EBF2: variants seen among roughly 807,000 people sequenced by gnomAD.
EBF2 encodes transcription factor COE2.
EBF2 carries 21 observed loss-of-function variants against 72.8 expected under a neutral mutation model. The observed-to-expected ratio is 0.29, with a 90% CI of 0.20 to 0.42. EBF2 has a LOEUF of 0.42. EBF2 is among the 10% of genes least tolerant of loss of function. The pLI is 1.00. For synonymous variants in EBF2, 299 were observed against 274.2 expected, an observed-to-expected ratio of 1.09 and a Z score of -0.89; for missense variants, 637 against 731.2, an observed-to-expected ratio of 0.87 and a Z score of 1.49.
chr8:25,975,910 A>G (rs1804261257), intron 6 of EBF2, among the ~76,000 whole-genome samples: 1 of 152,162 alleles, frequency 6.6e-6, no homozygotes, highest in South Asian at 2.1e-4. Flanking sequence ...CAGCTGCCAA[A>G]GAAAAGTTAA....
chr8:25,948,729 T>A (rs1308593004), intron 6 of EBF2, among the ~76,000 whole-genome samples: 1 of 152,114 alleles, frequency 6.6e-6, no homozygotes, highest in Non-Finnish European at 1.5e-5. Flanking sequence ...GGGAAATAAA[T>A]GGAGCCTTAA....
chr8:25,854,937 T>C (rs1248369890), intron 14 of EBF2, among the ~76,000 whole-genome samples: 1 of 152,208 alleles, frequency 6.6e-6, no homozygotes, highest in East Asian at 1.9e-4. Flanking sequence ...AAACTCTGCG[T>C]AGGCTTGGTG....
chr8:26,037,519 G>A (rs187787038), intron 5 of EBF2, among the ~76,000 whole-genome samples: 158 of 152,280 alleles, frequency 1.0e-3, no homozygotes, highest in East Asian at 4.8e-3. Flanking sequence ...CCATCTGGCC[G>A]ATAAAGACAC....
chr8:25,936,323 C>T (rs1045079328), intron 6 of EBF2, among the ~76,000 whole-genome samples: 3 of 152,134 alleles, frequency 2.0e-5, no homozygotes, highest in African/African-American at 4.8e-5. Context: ...TTAGCACCCC[C>T]GATGCTCCAG....
At chr8:25,860,980 ACT>A in intron 13 of EBF2, 67 bp downstream of exon 13, 1 of 1,581,716 alleles carries the variant, frequency 6.3e-7, no homozygotes, top group East Asian at 2.2e-5. Context: ...CCAACCTCTG[ACT>A]CTGTCCACTC....
At chr8:25,940,476 A>G (rs1283228114) in intron 6 of EBF2, among the ~76,000 whole-genome samples, 2 of 152,228 alleles carry the variant, frequency 1.3e-5, no homozygotes, top group South Asian at 2.1e-4. Flanking sequence ...AATAGTTCTC[A>G]CTTAGTCTTA....
chr8:26,001,652 G>C (rs13260236), intron 6 of EBF2, among the ~76,000 whole-genome samples: 31,109 of 151,894 alleles, frequency 0.2, 3,743 homozygotes, highest in Middle Eastern at 0.28. Context: ...GAGTTCAAGC[G>C]ATTCTCCTGC....
intron 6 of EBF2, among the ~76,000 whole-genome samples, chr8:25,913,095 T>C (rs1319978670): frequency 1.3e-5 from 2 of 152,176 alleles, no homozygotes; most frequent in Non-Finnish European, 2.9e-5. Context: ...CCATTCAATT[T>C]ACCTCCAAAT....
chr8:25,932,639 T>C (rs1052754347), intron 6 of EBF2, among the ~76,000 whole-genome samples: 1 of 152,216 alleles, frequency 6.6e-6, no homozygotes, highest in African/African-American at 2.4e-5. Flanking sequence ...ATATGCTGTC[T>C]GGCCGCAGCT....
chr8:25,965,319 T>C (rs1285910167), intron 6 of EBF2, among the ~76,000 whole-genome samples: 1 of 152,192 alleles, frequency 6.6e-6, no homozygotes, highest in African/African-American at 2.4e-5. Flanking sequence ...CATATTTTGT[T>C]AAGCAACATT....
chr8:25,983,151 A>G (rs2117201132), intron 6 of EBF2, among the ~76,000 whole-genome samples: 1 of 152,290 alleles, frequency 6.6e-6, no homozygotes, highest in South Asian at 2.1e-4. Flanking sequence ...CATATATCAA[A>G]AATAGTGTAG....
intron 10 of EBF2, among the ~76,000 whole-genome samples, chr8:25,865,982 G>A (rs35422836): frequency 0.28 from 42,119 of 150,984 alleles, 6,119 homozygotes; most frequent in South Asian, 0.39. Flanking sequence ...CCAAGATCAC[G>A]CCGCTGCACC....
intron 6 of EBF2, among the ~76,000 whole-genome samples, chr8:25,980,912 TC>T (rs1307159401): frequency 1.9e-3 from 1 of 540 alleles, no homozygotes; most frequent in Non-Finnish European, 6.4e-3. Flanking sequence ...GTGACCCCCT[TC>T]ACCCCTGGAG....
At chr8:25,851,127 A>AAATC (rs1266412581) in intron 14 of EBF2, among the ~76,000 whole-genome samples, 1 of 151,526 alleles carries the variant, frequency 6.6e-6, no homozygotes, top group African/African-American at 2.4e-5. Context: ...CATGCCTGAA[A>AAATC]AATCATCAAA....
At chr8:25,966,875 GC>G (rs1248829732) in intron 6 of EBF2, among the ~76,000 whole-genome samples, 1 of 152,198 alleles carries the variant, frequency 6.6e-6, no homozygotes, top group African/African-American at 2.4e-5. Context: ...AAGCTGTGGT[GC>G]CCTTCCTGCC....
rs76375342 is a variant in EBF2, at chr8:25,897,056, C to T, written c.634-7187G>A. Among the ~76,000 whole-genome samples the T allele has an allele frequency of 2.3e-4, 35 of 152,164 alleles. No homozygotes were observed. In the East Asian group the frequency reaches 5.2e-3, roughly 23 times the overall value. On this transcript the variant is annotated intron_variant, in intron 7 of 15. Transcript: ENST00000520164. Reference sequence around the variant, plus strand: ...CTCAGCAATGGCTGTTTCATATTCCCGAAGGCTAAATTTTCTGTTCAGTGA... The same window carrying T: ...CTCAGCAATGGCTGTTTCATATTCCTGAAGGCTAAATTTTCTGTTCAGTGA...
intron 6 of EBF2, among the ~76,000 whole-genome samples, chr8:25,973,705 C>T (rs1320361047): frequency 5.9e-5 from 9 of 152,110 alleles, no homozygotes; most frequent in Admixed American, 5.2e-4. Flanking sequence ...GAGACAGGGT[C>T]ACACTCTGTT....
intron 6 of EBF2, among the ~76,000 whole-genome samples, chr8:25,962,683 C>A (rs1804053920): frequency 6.6e-6 from 1 of 152,076 alleles, no homozygotes; most frequent in Non-Finnish European, 1.5e-5. Context: ...GATGTCAAAC[C>A]CAAGCCATAG....
intron 5 of EBF2, among the ~76,000 whole-genome samples, chr8:26,039,257 G>A (rs749491185): frequency 1.3e-5 from 2 of 151,766 alleles, no homozygotes; most frequent in African/African-American, 2.4e-5. Context: ...AAAAAGGGTG[G>A]GGGGGGAATG....
Sources: allele counts gnomAD v4.1 joint callset (sites outside exome capture counted in the v4.1 genomes callset), GRCh38; gene constraint gnomAD v4.1.1; transcripts MANE v1.5; gene names NCBI Gene and HGNC (gene_info 2026-07-23, HGNC 2026-07-21).